PRLR: variants seen among roughly 807,000 people sequenced by gnomAD.
PRLR encodes prolactin receptor.
A neutral mutation model predicts 40.2 loss-of-function variants in PRLR; 13 were observed. The ratio of observed to expected loss-of-function variants is 0.32; its 90% CI spans 0.21 to 0.51. PRLR has a LOEUF of 0.51. Ranked by LOEUF, PRLR falls within the 20% of genes least tolerant of loss-of-function variation. The probability of loss-of-function intolerance (pLI) is 0.97; values close to 1 mark genes in which losing one functional copy is unlikely to be tolerated. For missense variants in PRLR, 656 were observed against 747.3 expected (o/e 0.88, Z 1.42); for synonymous variants, 269 against 278.7 (o/e 0.97, Z 0.35).
chr5:35,113,235 C>T (rs1385821220), intron 2 of PRLR, among the ~76,000 whole-genome samples: 1 of 149,698 alleles, frequency 6.7e-6, no homozygotes, highest in Non-Finnish European at 1.5e-5. Context: ...TCTTTCCATC[C>T]ATCTATCAAC....
intron 1 of PRLR, among the ~76,000 whole-genome samples, chr5:35,125,893 A>G (rs1287290284): frequency 6.6e-6 from 1 of 152,178 alleles, no homozygotes; most frequent in Non-Finnish European, 1.5e-5. Flanking sequence ...GAACATCTAA[A>G]TGCCATTTGT....
chr5:35,136,853 G>A (rs906678438), intron 1 of PRLR, among the ~76,000 whole-genome samples: 1 of 151,832 alleles, frequency 6.6e-6, no homozygotes, highest in East Asian at 1.9e-4. Flanking sequence ...CTGGGTTGGG[G>A]TCTGACATTT....
intron 2 of PRLR, among the ~76,000 whole-genome samples, chr5:35,098,980 A>G (rs2112503389): frequency 6.6e-6 from 1 of 152,332 alleles, no homozygotes; most frequent in East Asian, 1.9e-4. Context: ...GAGAACACTG[A>G]CAAGTCTAAG....
intron 1 of PRLR, among the ~76,000 whole-genome samples, chr5:35,208,177 G>GCACACA (rs1281536944): frequency 4.7e-4 from 41 of 87,242 alleles, no homozygotes; most frequent in Non-Finnish European, 6.3e-4. Context: ...CCACGCGCGC[G>GCACACA]CACACACACA....
intron 1 of PRLR, among the ~76,000 whole-genome samples, chr5:35,202,716 A>G (rs1775914283): frequency 6.6e-6 from 1 of 152,204 alleles, no homozygotes. Context: ...TCTCTTAAGA[A>G]TGGTGACCAT....
chr5:35,160,178 A>C (rs73078811), intron 1 of PRLR, among the ~76,000 whole-genome samples: 2,872 of 152,348 alleles, frequency 0.019, 88 homozygotes, highest in African/African-American at 0.066. Context: ...ATTTTTGAAT[A>C]GTTGAAAACA....
chr5:35,125,397 T>C (rs1773426032), intron 1 of PRLR, among the ~76,000 whole-genome samples: 2 of 152,164 alleles, frequency 1.3e-5, no homozygotes, highest in South Asian at 4.1e-4. Context: ...GTGAGGGGCA[T>C]TTACAAGCTA....
At chr5:35,171,075 A>G (rs1774983610) in intron 1 of PRLR, among the ~76,000 whole-genome samples, 1 of 148,046 alleles carries the variant, frequency 6.8e-6, no homozygotes, top group Non-Finnish European at 1.5e-5. Context: ...AATAGGATCT[A>G]ATTTTACCCC....
At chr5:35,199,375 G>A (rs977754754) in intron 1 of PRLR, among the ~76,000 whole-genome samples, 3 of 152,072 alleles carry the variant, frequency 2.0e-5, no homozygotes, top group South Asian at 2.1e-4. Context: ...AAAATCAAAT[G>A]ACATTTTCTG....
chr5:35,155,563 T>G (rs1254093139), intron 1 of PRLR, among the ~76,000 whole-genome samples: 1 of 152,240 alleles, frequency 6.6e-6, no homozygotes, highest in African/African-American at 2.4e-5. Flanking sequence ...ACAAAACTTC[T>G]GTTTAAAATG....
At chr5:35,157,394 T>C (rs1445392678) in intron 1 of PRLR, among the ~76,000 whole-genome samples, 2 of 152,198 alleles carry the variant, frequency 1.3e-5, no homozygotes, top group Admixed American at 1.3e-4. Context: ...GAGGTATAGA[T>C]GCTACTGTAT....
chr5:35,117,348 C>T (rs1773084118), intron 2 of PRLR, among the ~76,000 whole-genome samples: 1 of 152,182 alleles, frequency 6.6e-6, no homozygotes, highest in African/African-American at 2.4e-5. Context: ...TCCTATCTTC[C>T]TGGCTCCTTA....
intron 1 of PRLR, among the ~76,000 whole-genome samples, chr5:35,129,046 A>T (rs1579707200): frequency 6.6e-6 from 1 of 152,204 alleles, no homozygotes; most frequent in Non-Finnish European, 1.5e-5. Flanking sequence ...TCTTCACTGC[A>T]AAGGGAACCA....
chr5:35,094,788 C>T (rs1406988308), intron 2 of PRLR, among the ~76,000 whole-genome samples: 1 of 151,430 alleles, frequency 6.6e-6, no homozygotes, highest in East Asian at 1.9e-4. Context: ...GGGAGAAAAC[C>T]TCACATCAGG....
At chr5:35,116,939 G>C (rs1173512188) in intron 2 of PRLR, among the ~76,000 whole-genome samples, 1 of 152,176 alleles carries the variant, frequency 6.6e-6, no homozygotes, top group Non-Finnish European at 1.5e-5. Context: ...GAAGACATTT[G>C]GCAAAGCCTG....
At chr5:35,204,225 AT>A (rs762869299) in intron 1 of PRLR, among the ~76,000 whole-genome samples, 25 of 150,548 alleles carry the variant, frequency 1.7e-4, no homozygotes, top group African/African-American at 5.1e-4. Context: ...AAAAAAAAAA[AT>A]AATAAATAAA....
chr5:35,191,715 C>G (rs546532329), intron 1 of PRLR, among the ~76,000 whole-genome samples: 4 of 152,162 alleles, frequency 2.6e-5, no homozygotes, highest in African/African-American at 9.7e-5. Flanking sequence ...AACAGACACC[C>G]GAAGAAAACA....
At chr5:35,174,101 T>G (rs1775077458) in intron 1 of PRLR, among the ~76,000 whole-genome samples, 1 of 146,944 alleles carries the variant, frequency 6.8e-6, no homozygotes, top group Non-Finnish European at 1.5e-5. Context: ...TTTTTTTTTT[T>G]TGCTAAGAGA....
intron 1 of PRLR, among the ~76,000 whole-genome samples, chr5:35,177,066 A>T (rs1775169241): frequency 1.3e-5 from 2 of 152,316 alleles, no homozygotes; most frequent in South Asian, 4.1e-4. Context: ...AATCCTTTAC[A>T]GTGTCTATGA....
Sources: gnomAD v4.1 joint callset for allele counts (sites outside exome capture counted in the v4.1 genomes callset) on GRCh38, gnomAD v4.1.1 for gene constraint, MANE v1.5 for transcripts, NCBI Gene and HGNC (gene_info 2026-07-23, HGNC 2026-07-21) for gene names.